The following SIAH3 variants were observed in gnomAD, a reference collection of about 807,000 sequenced individuals.
SIAH3 encodes the protein seven in absentia homolog 3.
Under a neutral mutation model 12.6 loss-of-function variants are expected in SIAH3, and 9 were observed. That is an observed-to-expected ratio of 0.72 (90% confidence interval 0.43 to 1.25). The LOEUF (loss-of-function observed/expected upper bound fraction) is 1.25, where lower values mean the gene tolerates loss of function less well. SIAH3 is among the 50% of genes most tolerant of loss of function. The pLI is 0.00. For missense variants in SIAH3, 390 were observed against 365.4 expected (o/e 1.07, Z -0.55); for synonymous variants, 154 against 151.1 (o/e 1.02, Z -0.14).
intron 1 of SIAH3, among the ~76,000 whole-genome samples, chr13:45,819,677 C>T (rs1950648386): frequency 1.3e-5 from 2 of 152,134 alleles, no homozygotes; most frequent in Non-Finnish European, 2.9e-5. Flanking sequence ...CCCTGCATGT[C>T]GGAGGGCTGG....
intron 1 of SIAH3, among the ~76,000 whole-genome samples, chr13:45,804,625 A>G (rs1355737564): frequency 6.6e-6 from 1 of 152,154 alleles, no homozygotes; most frequent in East Asian, 1.9e-4. Flanking sequence ...AAAGGGGCAA[A>G]AGCTGGAAGC....
rs1250172186 is a variant in SIAH3 at position 45,782,790 on chromosome 13, C to A, written c.*593G>T. 1 of 106,026 alleles carries A rather than the reference C, an allele frequency of 9.4e-6. No homozygotes were observed. Among genetic ancestry groups the A allele is most frequent in the African/African-American group, 3.7e-5 (1 of 27,228 alleles). 6.6% of individuals were successfully genotyped at this position (106,026 alleles called of 1,614,324 possible). On this transcript the variant is annotated 3_prime_UTR_variant, in exon 2 of 2. Transcript: ENST00000400405. ...CTCAGCACACAATGACACCTCTAGC[C>A]CAGTCCCCAGCCCTGCGGTGGAGAC...
At chr13:45,790,957 G>A (rs146209934) in intron 1 of SIAH3, among the ~76,000 whole-genome samples, 168 of 152,232 alleles carry the variant, frequency 1.1e-3, no homozygotes, top group South Asian at 6.2e-4. Flanking sequence ...TGAGATGGGC[G>A]GATCACTTGA....
intron 1 of SIAH3, among the ~76,000 whole-genome samples, chr13:45,831,685 T>C (rs1038379633): frequency 1.3e-5 from 2 of 152,056 alleles, no homozygotes; most frequent in South Asian, 2.1e-4. Context: ...CTGTGGGTAA[T>C]GGATAATGGG....
intron 1 of SIAH3, among the ~76,000 whole-genome samples, chr13:45,838,688 C>T (rs1330099775): frequency 3.9e-5 from 6 of 152,028 alleles, no homozygotes; most frequent in African/African-American, 1.4e-4. Flanking sequence ...GTCTCTCCGG[C>T]GAGGCTTCTG....
At chr13:45,788,944 G>T (rs1950536403) in intron 1 of SIAH3, among the ~76,000 whole-genome samples, 1 of 152,152 alleles carries the variant, frequency 6.6e-6, no homozygotes, top group African/African-American at 2.4e-5. Context: ...TCACACAAAG[G>T]GAGAATGAGC....
intron 1 of SIAH3, among the ~76,000 whole-genome samples, chr13:45,784,921 A>C (rs1320980354): frequency 6.6e-6 from 1 of 152,268 alleles, no homozygotes; most frequent in Admixed American, 6.5e-5. Context: ...TGTGAGCACA[A>C]TAGATACTGT....
intron 1 of SIAH3, among the ~76,000 whole-genome samples, chr13:45,848,602 G>T (rs182494193): frequency 1.3e-3 from 195 of 152,298 alleles, no homozygotes; most frequent in African/African-American, 4.5e-3. Context: ...TGCTTGGTAA[G>T]TGAATTTTGA....
chr13:45,839,039 C>T (rs1284682324), intron 1 of SIAH3, among the ~76,000 whole-genome samples: 1 of 151,964 alleles, frequency 6.6e-6, no homozygotes, highest in Non-Finnish European at 1.5e-5. Context: ...AGGAAATGGT[C>T]ATTAAAATTT....
At chr13:45,833,779 C>G (rs180943780) in intron 1 of SIAH3, among the ~76,000 whole-genome samples, 3 of 152,244 alleles carry the variant, frequency 2.0e-5, no homozygotes, top group Admixed American at 2.0e-4. Context: ...AGGGACAGGT[C>G]TGATTCCATG....
intron 1 of SIAH3, among the ~76,000 whole-genome samples, chr13:45,800,228 A>G (rs1164497106): frequency 6.6e-6 from 1 of 152,106 alleles, no homozygotes; most frequent in Non-Finnish European, 1.5e-5. Flanking sequence ...AGTCTTGTAA[A>G]CTGTTTTTTT....
intron 1 of SIAH3, among the ~76,000 whole-genome samples, chr13:45,797,146 GT>G (rs55667913): frequency 0.015 from 2,206 of 147,600 alleles, 34 homozygotes; most frequent in African/African-American, 0.044. Flanking sequence ...CTCTATGCAG[GT>G]TTTTTTTTTT....
chr13:45,801,174 C>T (rs553231816), intron 1 of SIAH3, among the ~76,000 whole-genome samples: 5 of 152,170 alleles, frequency 3.3e-5, no homozygotes, highest in East Asian at 1.9e-4. Flanking sequence ...AAGCCATATG[C>T]TTTTGCAATA....
intron 1 of SIAH3, among the ~76,000 whole-genome samples, chr13:45,839,440 A>G (rs533912963): frequency 5.9e-5 from 9 of 152,220 alleles, no homozygotes; most frequent in African/African-American, 2.2e-4. Flanking sequence ...TTAAAAAAAC[A>G]TGGTCATAGA....
At chr13:45,846,014 A>G (rs1950758505) in intron 1 of SIAH3, among the ~76,000 whole-genome samples, 1 of 151,184 alleles carries the variant, frequency 6.6e-6, no homozygotes, top group South Asian at 2.1e-4. Flanking sequence ...AAGGGACATT[A>G]ACTTAGCATA....
intron 1 of SIAH3, among the ~76,000 whole-genome samples, chr13:45,822,611 G>C (rs999213362): frequency 2.8e-5 from 4 of 143,450 alleles, no homozygotes; most frequent in African/African-American, 1.0e-4. Flanking sequence ...TGGGCAGTAG[G>C]ATTATAGGTG....
intron 1 of SIAH3, among the ~76,000 whole-genome samples, chr13:45,793,316 A>G (rs2137552946): frequency 6.6e-6 from 1 of 152,344 alleles, no homozygotes; most frequent in Non-Finnish European, 1.5e-5. Flanking sequence ...TCCAGGCCAC[A>G]TGCCATCCTT....
At chr13:45,808,072 T>C (rs1406782164) in intron 1 of SIAH3, among the ~76,000 whole-genome samples, 1 of 152,142 alleles carries the variant, frequency 6.6e-6, no homozygotes, top group African/African-American at 2.4e-5. Flanking sequence ...CAACTTCATG[T>C]GCGGTGATGT....
At chr13:45,838,453 T>C (rs2137581332) in intron 1 of SIAH3, among the ~76,000 whole-genome samples, 1 of 152,282 alleles carries the variant, frequency 6.6e-6, no homozygotes, top group Middle Eastern at 3.4e-3. Flanking sequence ...CTTCTTGATG[T>C]GCTCATCAGC....
Sources: gnomAD v4.1 joint callset for allele counts (sites outside exome capture counted in the v4.1 genomes callset) on GRCh38, gnomAD v4.1.1 for gene constraint, MANE v1.5 for transcripts, NCBI Gene and HGNC (gene_info 2026-07-23, HGNC 2026-07-21) for gene names.